RYR2: variants seen among roughly 807,000 people sequenced by gnomAD.
RYR2 encodes the protein cardiac muscle ryanodine receptor-calcium release channel.
RYR2 carries 227 observed loss-of-function variants against 601.1 expected under a neutral mutation model. The ratio of observed to expected loss-of-function variants is 0.38; its 90% CI spans 0.34 to 0.42. The LOEUF (loss-of-function observed/expected upper bound fraction) is 0.42, where lower values mean the gene tolerates loss of function less well. Ranked by LOEUF, RYR2 falls within the 10% of genes least tolerant of loss-of-function variation. RYR2 has a pLI of 1.00. For synonymous variants in RYR2, 2,223 were observed against 2,175.1 expected, an observed-to-expected ratio of 1.02 and a Z score of -0.61; for missense variants, 4,646 against 6,156.5, an observed-to-expected ratio of 0.75 and a Z score of 8.21.
intron 80 of RYR2, among the ~76,000 whole-genome samples, chr1:237,747,608 T>C (rs913414013): frequency 2.6e-5 from 4 of 152,202 alleles, no homozygotes; most frequent in Admixed American, 1.3e-4. Flanking sequence ...TTCAATAGAA[T>C]ACAATGTTTT....
At chr1:237,525,977 CAAAAA>C (rs200534597) in intron 24 of RYR2, among the ~76,000 whole-genome samples, 2 of 103,584 alleles carry the variant, frequency 1.9e-5, no homozygotes, top group Non-Finnish European at 4.3e-5. Context: ...CAAAACTCCT[CAAAAA>C]AAAAAAATAA....
At chr1:237,394,587 G>A (rs897915685) in intron 10 of RYR2, among the ~76,000 whole-genome samples, 1 of 152,204 alleles carries the variant, frequency 6.6e-6, no homozygotes, top group Admixed American at 6.5e-5. Flanking sequence ...CTATGAAAAT[G>A]TGTCAACTGA....
intron 92 of RYR2, 91 bp downstream of exon 92, chr1:237,788,226 T>G: frequency 9.7e-7 from 1 of 1,028,664 alleles, no homozygotes; most frequent in Non-Finnish European, 1.4e-6. Context: ...TCTCCCTGAG[T>G]GGCAGTTAGG....
chr1:237,565,491 C>T (rs947220633), intron 27 of RYR2, among the ~76,000 whole-genome samples: 3 of 152,030 alleles, frequency 2.0e-5, no homozygotes, highest in Non-Finnish European at 4.4e-5. Flanking sequence ...GCGATCCTCC[C>T]GCCTTGGCCT....
chr1:237,714,841 A>G (rs1689125399), intron 71 of RYR2, among the ~76,000 whole-genome samples: 1 of 151,802 alleles, frequency 6.6e-6, no homozygotes, highest in African/African-American at 2.4e-5. Flanking sequence ...ATACAAAAAA[A>G]AAATTAGCCA....
intron 101 of RYR2, among the ~76,000 whole-genome samples, chr1:237,827,559 G>A (rs1046631936): frequency 6.6e-6 from 1 of 150,412 alleles, no homozygotes; most frequent in Non-Finnish European, 1.5e-5. Flanking sequence ...GAGCCCAGGA[G>A]GTTGAGGCTG....
intron 1 of RYR2, among the ~76,000 whole-genome samples, chr1:237,218,441 G>A (rs1683423848): frequency 6.6e-6 from 1 of 152,086 alleles, no homozygotes; most frequent in Non-Finnish European, 1.5e-5. Context: ...TCTCAAAATA[G>A]GTATTTTATG....
At chr1:237,472,574 A>G (rs1380784144) in intron 17 of RYR2, among the ~76,000 whole-genome samples, 2 of 152,282 alleles carry the variant, frequency 1.3e-5, no homozygotes, top group Non-Finnish European at 1.5e-5. Flanking sequence ...ATTTTCAGCT[A>G]TATTATAGGT....
Position 237,757,790 on chromosome 1 carries a change from G to T in RYR2, c.11325+14G>T. ...ACAGTACAGCAGGTAACAGCTTCCA[G>T]TCATTCATATAATGTACTTTTCAGA... On this transcript the variant is annotated intron_variant, in intron 82 of 104. Transcript: ENST00000366574. 6.6e-7 allele frequency: 1 copy of T among 1,519,212 alleles called. No individual in the cohort carries two copies. The highest frequency in any genetic ancestry group is 9.1e-7 in the Non-Finnish European group (1 of 1,094,072). The allele number at this position is 1,519,212 out of a possible 1,614,324, so 94.1% of individuals were successfully genotyped here.
intron 99 of RYR2, among the ~76,000 whole-genome samples, chr1:237,808,361 C>G (rs896534632): frequency 2.0e-5 from 3 of 151,876 alleles, no homozygotes; most frequent in African/African-American, 7.3e-5. Context: ...GAAAATAGCC[C>G]TCATAAAATG....
chr1:237,731,923 A>C (rs1346660288), intron 77 of RYR2, 123 bp from the exon 78 acceptor site: 1 of 309,666 alleles, frequency 3.2e-6, no homozygotes, highest in Non-Finnish European at 5.8e-6. Context: ...CACACACCCC[A>C]CAACAGGGAA....
At chr1:237,597,509 T>C (rs1050514927) in intron 34 of RYR2, among the ~76,000 whole-genome samples, 1 of 151,888 alleles carries the variant, frequency 6.6e-6, no homozygotes, top group Non-Finnish European at 1.5e-5. Flanking sequence ...CTCGATCTCC[T>C]GACCTTGTGA....
intron 58 of RYR2, among the ~76,000 whole-genome samples, chr1:237,668,714 GA>G (rs2148881780): frequency 6.6e-6 from 1 of 152,250 alleles, no homozygotes; most frequent in African/African-American, 2.4e-5. Flanking sequence ...TTGACTAGGT[GA>G]AAATGTAGAA....
At chr1:237,445,374 A>G (rs370312612) in intron 13 of RYR2, 27 bp from the exon 14 acceptor site, 2 of 1,612,394 alleles carry the variant, frequency 1.2e-6, no homozygotes, top group Non-Finnish European at 1.7e-6. Flanking sequence ...CGTTGGGAGT[A>G]ATGGCCTTAT....
At chr1:237,509,872 A>T (rs1478098760) in intron 23 of RYR2, among the ~76,000 whole-genome samples, 1 of 152,218 alleles carries the variant, frequency 6.6e-6, no homozygotes, top group Admixed American at 6.5e-5. Context: ...AGGACCTGGC[A>T]TGTGTAAAAG....
At chr1:237,706,819 G>C in intron 67 of RYR2, 130 bp from the exon 68 acceptor site, 1 of 710,650 alleles carries the variant, frequency 1.4e-6, no homozygotes, top group Non-Finnish European at 2.5e-6. Context: ...ACAGGAGAAG[G>C]AGCCAGTTGC....
In RYR2 at chr1:237,489,230, C is replaced by T. The variant is rs7526900; in HGVS notation, c.1709-2576C>T. Among the ~76,000 whole-genome samples, 618 of 152,270 alleles carry T rather than the reference C, an allele frequency of 4.1e-3. 2 individuals carry two copies. Among genetic ancestry groups the T allele is most frequent in the African/African-American group, 0.013 (556 of 41,538 alleles). Reference sequence around the variant, plus strand: ...AATTGTCAAAAGACTTGAACAGACACTTCTCAAAAGAAGACAGACAAGCAG... The same window carrying T: ...AATTGTCAAAAGACTTGAACAGACATTTCTCAAAAGAAGACAGACAAGCAG... On this transcript the variant is annotated intron_variant, in intron 17 of 104. Coordinates refer to ENST00000366574, the MANE Select transcript of RYR2 (RefSeq NM_001035.3).
chr1:237,459,127 C>T (rs1659178446), intron 16 of RYR2, among the ~76,000 whole-genome samples: 1 of 152,186 alleles, frequency 6.6e-6, no homozygotes, highest in Admixed American at 6.5e-5. Context: ...AGTTATAGCA[C>T]TAAATTTCAT....
intron 76 of RYR2, 68 bp downstream of exon 76, chr1:237,727,267 A>G (rs1027713058): frequency 2.9e-6 from 2 of 688,964 alleles, no homozygotes; most frequent in Non-Finnish European, 4.9e-6. Flanking sequence ...AGGTGTTTAG[A>G]ATCTACCTTA....
Sources: gnomAD v4.1 joint callset for allele counts (sites outside exome capture counted in the v4.1 genomes callset) on GRCh38, gnomAD v4.1.1 for gene constraint, MANE v1.5 for transcripts, NCBI Gene and HGNC (gene_info 2026-07-23, HGNC 2026-07-21) for gene names.